Variants in BBOX1 observed in about 807,000 individuals in gnomAD.
BBOX1 encodes the protein gamma-butyrobetaine hydroxylase 1.
Under a neutral mutation model 41.6 loss-of-function variants are expected in BBOX1, and 35 were observed. The observed-to-expected ratio is 0.84, with a 90% confidence interval of 0.64 to 1.11. The LOEUF (loss-of-function observed/expected upper bound fraction) is 1.11, where lower values mean the gene tolerates loss of function less well. BBOX1 is among the 50% of genes most tolerant of loss of function. The pLI is 0.00. For synonymous variants in BBOX1, 163 were observed against 154.7 expected, an observed-to-expected ratio of 1.05 and a Z score of -0.40; for missense variants, 458 against 460.6, an observed-to-expected ratio of 0.99 and a Z score of 0.05.
intron 2 of BBOX1, among the ~76,000 whole-genome samples, chr11:27,043,813 T>A (rs1328835858): frequency 6.6e-6 from 1 of 152,212 alleles, no homozygotes; most frequent in African/African-American, 2.4e-5. Flanking sequence ...ATGGTGTATA[T>A]ATGCCACATT....
chr11:27,057,255 A>C lies in BBOX1; in HGVS notation c.274A>C (p.Lys92Gln), dbSNP rs774921978. Residue 92 changes from lysine (K) to glutamine (Q), a missense_variant, in exon 4 of 9, where the codon AAG becomes CAG. Transcript: ENST00000263182. ...HYSEFQADWL[K>Q]KRCFSKQARA... ...CAGTGAATTCCAGGCTGATTGGCTG[A>C]AGAAAAGATGCTTTTCCAAGCAGGC... The C allele has an allele frequency of 1.9e-5, 31 of 1,612,194 alleles. No homozygotes were observed. The South Asian group carries it at 3.3e-4, about 17-fold the overall frequency.
intron 4 of BBOX1, among the ~76,000 whole-genome samples, chr11:27,060,006 T>G (rs923048751): frequency 6.6e-6 from 1 of 152,164 alleles, no homozygotes; most frequent in Non-Finnish European, 1.5e-5. Context: ...CAGGGACTAC[T>G]GGGAAGGCAT....
intron 4 of BBOX1, among the ~76,000 whole-genome samples, chr11:27,073,647 T>G (rs981598420): frequency 2.0e-4 from 31 of 152,014 alleles, no homozygotes; most frequent in Non-Finnish European, 4.1e-4. Context: ...CAATAGCAAA[T>G]ACTTGGAACC....
At chr11:27,124,476 C>T (rs1310814239) in intron 7 of BBOX1, among the ~76,000 whole-genome samples, 1 of 152,126 alleles carries the variant, frequency 6.6e-6, no homozygotes, top group Non-Finnish European at 1.5e-5. Context: ...ATTATAACCA[C>T]CAAAGCTCAA....
chr11:27,089,733 A>G (rs975860500), intron 4 of BBOX1, among the ~76,000 whole-genome samples: 2 of 152,020 alleles, frequency 1.3e-5, no homozygotes, highest in African/African-American at 2.4e-5. Context: ...GCTGTTTTCA[A>G]TAAATCTTTT....
At chr11:27,099,828 T>C (rs1858582520) in intron 5 of BBOX1, among the ~76,000 whole-genome samples, 1 of 152,056 alleles carries the variant, frequency 6.6e-6, no homozygotes, top group Non-Finnish European at 1.5e-5. Flanking sequence ...GGTCCTTGGG[T>C]GAAAGTTTGC....
intron 2 of BBOX1, among the ~76,000 whole-genome samples, chr11:27,048,466 GGTGTGTGTGT>G (rs61210047): frequency 3.3e-5 from 5 of 149,636 alleles, no homozygotes; most frequent in Non-Finnish European, 5.9e-5. Flanking sequence ...ATAATATTGA[GGTGTGTGTGT>G]GTGTGTGTGT....
chr11:27,118,690 G>C (rs1405324361), intron 6 of BBOX1, among the ~76,000 whole-genome samples: 1 of 151,890 alleles, frequency 6.6e-6, no homozygotes, highest in East Asian at 1.9e-4. Context: ...GTATTGTCAG[G>C]CTCCATCATC....
At chr11:27,054,686 G>T (rs1856925419) in intron 2 of BBOX1, among the ~76,000 whole-genome samples, 2 of 152,120 alleles carry the variant, frequency 1.3e-5, no homozygotes, top group South Asian at 4.1e-4. Context: ...TCAGAATAAA[G>T]TAACTGAAGT....
chr11:27,104,397 C>A lies in BBOX1; in HGVS notation c.533+11031C>A, dbSNP rs553827191. The stretch of plus-strand genomic sequence containing the variant: ...CTCTATCCCCTCCTATTTCCTGGTT[C>A]ATGGGAATATCTTATCACTGAATTT... On this transcript the variant is annotated intron_variant, in intron 5 of 8. Coordinates refer to ENST00000263182, the MANE Select transcript of BBOX1 (RefSeq NM_003986.3). Among the ~76,000 whole-genome samples the A allele has an allele frequency of 2.6e-5, 4 of 152,234 alleles. No individual in the cohort carries two copies. In the South Asian group the frequency reaches 8.3e-4, roughly 32 times the overall value.
At chr11:27,122,814 A>G (rs528325682) in intron 7 of BBOX1, among the ~76,000 whole-genome samples, 26 of 152,124 alleles carry the variant, frequency 1.7e-4, no homozygotes, top group African/African-American at 6.0e-4. Context: ...TGTTGGCATC[A>G]TTGATAATGT....
chr11:27,127,279 A>C lies in BBOX1; in HGVS notation c.1004-14A>C. The C allele has an allele frequency of 6.2e-7, 1 of 1,612,182 alleles. No individual in the cohort carries two copies. The highest frequency in any genetic ancestry group is 8.5e-7 in the Non-Finnish European group (1 of 1,179,396). ...ACACACAATTATTCATATTGGAAAA[A>C]ATCTTTTCTTTAGGTGATGTGATTA... On this transcript the variant is annotated splice_polypyrimidine_tract_variant and intron_variant, in intron 8 of 8. Coordinates refer to ENST00000263182, the MANE Select transcript of BBOX1 (RefSeq NM_003986.3).
At chr11:27,061,723 G>A (rs545795949) in intron 4 of BBOX1, among the ~76,000 whole-genome samples, 2 of 152,212 alleles carry the variant, frequency 1.3e-5, no homozygotes, top group East Asian at 1.9e-4. Flanking sequence ...CCTGGCACTC[G>A]CTGTTGAACT....
intron 2 of BBOX1, among the ~76,000 whole-genome samples, chr11:27,054,867 C>T (rs1346381269): frequency 1.3e-5 from 2 of 152,108 alleles, no homozygotes; most frequent in Non-Finnish European, 2.9e-5. Context: ...AGAAACAGTG[C>T]AATATTCTGA....
intron 2 of BBOX1, among the ~76,000 whole-genome samples, chr11:27,048,996 T>C (rs906151540): frequency 4.1e-5 from 6 of 147,910 alleles, no homozygotes; most frequent in Non-Finnish European, 8.9e-5. Flanking sequence ...GAATATGCGG[T>C]GTTTGGTTTT....
Position 27,127,569 on chromosome 11 carries a change from T to G in BBOX1, c.*116T>G, listed in dbSNP as rs1016176450. 3.4e-6 allele frequency: 4 copies of G among 1,193,008 alleles called. No homozygotes were observed. In the African/African-American group the frequency reaches 6.2e-5, roughly 18 times the overall value. The allele number at this position is 1,193,008 out of a possible 1,614,324, so 73.9% of individuals were successfully genotyped here. Reference sequence around the variant, plus strand: ...CATATAATTTCCTTAACAATGAACATGTAACTTCTCTCACAAGAGTACTCT... The same window carrying G: ...CATATAATTTCCTTAACAATGAACAGGTAACTTCTCTCACAAGAGTACTCT... On this transcript the variant is annotated 3_prime_UTR_variant, in exon 9 of 9. Transcript: ENST00000263182.
At chr11:27,082,402 T>C (rs1010442260) in intron 4 of BBOX1, among the ~76,000 whole-genome samples, 1 of 152,138 alleles carries the variant, frequency 6.6e-6, no homozygotes, top group South Asian at 2.1e-4. Context: ...GTGATCTTTT[T>C]ATGGATGTCA....
At chr11:27,059,931 C>A (rs1164758583) in intron 4 of BBOX1, among the ~76,000 whole-genome samples, 1 of 152,168 alleles carries the variant, frequency 6.6e-6, no homozygotes, top group Admixed American at 6.5e-5. Flanking sequence ...CAGAGACTTA[C>A]CCTGTCTTAG....
intron 2 of BBOX1, among the ~76,000 whole-genome samples, chr11:27,042,061 G>A (rs1851360167): frequency 8.5e-5 from 13 of 152,144 alleles, no homozygotes; most frequent in Admixed American, 8.5e-4. Flanking sequence ...TATATTACAG[G>A]TATGGATTTG....
Sources: gnomAD v4.1 joint callset for allele counts (sites outside exome capture counted in the v4.1 genomes callset) on GRCh38, gnomAD v4.1.1 for gene constraint, MANE v1.5 for transcripts, NCBI Gene and HGNC (gene_info 2026-07-23, HGNC 2026-07-21) for gene names.